Variants in FBXO36 observed in about 807,000 individuals in gnomAD.
The protein encoded by FBXO36 is F-box only protein 36.
Under a neutral mutation model 17.0 loss-of-function variants are expected in FBXO36, and 18 were observed. That is an observed-to-expected ratio of 1.06 (90% confidence interval 0.73 to 1.57). The LOEUF is 1.57. FBXO36 is among the 40% of genes most tolerant of loss of function. FBXO36 has a pLI of 0.00. For synonymous variants in FBXO36, 83 were observed against 85.3 expected, an observed-to-expected ratio of 0.97 and a Z score of 0.15; for missense variants, 229 against 221.9, an observed-to-expected ratio of 1.03 and a Z score of -0.20.
chr2:229,977,207 A>C (rs1284905073), intron 2 of FBXO36: 1 of 152,140 alleles, frequency 6.6e-6, no homozygotes, highest in Non-Finnish European at 1.5e-5. Flanking sequence ...TATGTTGCTC[A>C]GGCTGTTCTT....
At chr2:229,985,382 G>A (rs1055851179) in intron 2 of FBXO36, among the ~76,000 whole-genome samples, 6 of 152,098 alleles carry the variant, frequency 3.9e-5, no homozygotes, top group African/African-American at 1.4e-4. Context: ...TTGCCACCAT[G>A]CCTTGTTCCA....
At chr2:229,933,307 G>A (rs1436615559) in intron 1 of FBXO36, among the ~76,000 whole-genome samples, 2 of 151,910 alleles carry the variant, frequency 1.3e-5, no homozygotes, top group Non-Finnish European at 2.9e-5. Context: ...AGAATCACTC[G>A]AACCCAGGTG....
intron 1 of FBXO36, among the ~76,000 whole-genome samples, chr2:229,947,540 T>G (rs2106168900): frequency 6.6e-6 from 1 of 152,360 alleles, no homozygotes; most frequent in Non-Finnish European, 1.5e-5. Context: ...AGCATCTTAG[T>G]AAGCAGCCTT....
At chr2:230,007,758 G>A (rs1577367583) in intron 3 of FBXO36, among the ~76,000 whole-genome samples, 1 of 152,038 alleles carries the variant, frequency 6.6e-6, no homozygotes, top group Non-Finnish European at 1.5e-5. Context: ...CACCATACCT[G>A]GCTAATTTTT....
chr2:229,995,109 G>C (rs1285337744), intron 2 of FBXO36, among the ~76,000 whole-genome samples: 1 of 151,260 alleles, frequency 6.6e-6, no homozygotes, highest in African/African-American at 2.4e-5. Flanking sequence ...GCAAGACTCT[G>C]TCTCAAAAAA....
At chr2:229,989,727 ATTTTTTTTT>A (rs11313146) in intron 2 of FBXO36, among the ~76,000 whole-genome samples, 1 of 120,880 alleles carries the variant, frequency 8.3e-6, no homozygotes, top group Non-Finnish European at 1.7e-5. Flanking sequence ...CGCCTGGCTA[ATTTTTTTTT>A]TTTTTTTTTT....
intron 1 of FBXO36, chr2:229,973,193 C>T (rs2077189895): frequency 6.7e-6 from 1 of 149,490 alleles, no homozygotes; most frequent in Non-Finnish European, 1.5e-5. Context: ...CCAGTTGACA[C>T]TCCTCTCAAC....
chr2:229,924,033 C>A (rs1034108944), intron 1 of FBXO36, among the ~76,000 whole-genome samples: 2 of 150,646 alleles, frequency 1.3e-5, no homozygotes, highest in Admixed American at 1.3e-4. Flanking sequence ...CGTGAGCCAC[C>A]GCGCCCGGCC....
At chr2:230,005,780 G>A (rs1399165986) in intron 3 of FBXO36, among the ~76,000 whole-genome samples, 1 of 152,140 alleles carries the variant, frequency 6.6e-6, no homozygotes, top group East Asian at 1.9e-4. Context: ...TGATTCTCCT[G>A]CCTCAGCCTC....
At chr2:229,986,878 A>G (rs1243842458) in intron 2 of FBXO36, among the ~76,000 whole-genome samples, 1 of 152,070 alleles carries the variant, frequency 6.6e-6, no homozygotes, top group Admixed American at 6.6e-5. Flanking sequence ...CTTGCTCTTT[A>G]AAAGTTTTCA....
chr2:229,925,096 T>C (rs1434897076), intron 1 of FBXO36, among the ~76,000 whole-genome samples: 1 of 151,722 alleles, frequency 6.6e-6, no homozygotes, highest in Non-Finnish European at 1.5e-5. Flanking sequence ...TCTTTTTCTT[T>C]CTTTATTTTT....
chr2:229,924,563 CT>C (rs2076895153), intron 1 of FBXO36, among the ~76,000 whole-genome samples: 1 of 152,214 alleles, frequency 6.6e-6, no homozygotes, highest in South Asian at 2.1e-4. Flanking sequence ...TTTCTTTCCC[CT>C]GAAGGTCTGG....
At chr2:229,950,537 C>T (rs961056620) in intron 1 of FBXO36, among the ~76,000 whole-genome samples, 8 of 152,146 alleles carry the variant, frequency 5.3e-5, no homozygotes, top group African/African-American at 1.9e-4. Context: ...TGTCTAAGGT[C>T]AGAAATGTCA....
In FBXO36 at chr2:229,922,509, C is replaced by T. The variant is rs753365906; in HGVS notation, c.-5C>T. 3.1e-6 allele frequency: 5 copies of T among 1,613,968 alleles called. No homozygotes were observed. Among genetic ancestry groups the T allele is most frequent in the Non-Finnish European group, 4.2e-6 (5 of 1,179,950 alleles). ...TTGTCTTAGCGACGGCGGTGGCGTC[C>T]CAAGATGGCGTCGTGGCTGCCGGAG... On this transcript the variant is annotated 5_prime_UTR_variant, in exon 1 of 4. Coordinates refer to ENST00000283946, the MANE Select transcript of FBXO36 (RefSeq NM_174899.5).
chr2:229,945,802 C>T (rs2077023858), intron 1 of FBXO36, among the ~76,000 whole-genome samples: 1 of 151,678 alleles, frequency 6.6e-6, no homozygotes, highest in Non-Finnish European at 1.5e-5. Context: ...GCAGGCGGAT[C>T]ATCTGAGTTC....
At chr2:229,937,265 C>T (rs1003560539) in intron 1 of FBXO36, among the ~76,000 whole-genome samples, 29 of 152,138 alleles carry the variant, frequency 1.9e-4, no homozygotes, top group African/African-American at 6.5e-4. Flanking sequence ...GAGGCTGAGG[C>T]GGGCAGATCA....
Position 229,940,310 on chromosome 2 carries a change from A to G in FBXO36, c.96+17701A>G, listed in dbSNP as rs536861623. Among the ~76,000 whole-genome samples the G allele has an allele frequency of 3.3e-5, 5 of 152,224 alleles. No homozygotes were observed. In the East Asian group the frequency reaches 7.7e-4, roughly 23 times the overall value. ...GAGGGTGGTTGGTAACACCAAGACT[A>G]CTTTATTGAAAGCGTAACTAAGAGC... is the stretch of plus-strand genomic sequence containing the variant. On this transcript the variant is annotated intron_variant, in intron 1 of 3. Coordinates refer to ENST00000283946, the MANE Select transcript of FBXO36 (RefSeq NM_174899.5).
At chr2:229,933,233 C>G (rs1369575469) in intron 1 of FBXO36, among the ~76,000 whole-genome samples, 2 of 151,972 alleles carry the variant, frequency 1.3e-5, no homozygotes, top group East Asian at 3.9e-4. Flanking sequence ...ACTAAAAATA[C>G]AAAAATTAGC....
intron 2 of FBXO36, among the ~76,000 whole-genome samples, chr2:229,981,180 C>T (rs560389326): frequency 2.6e-5 from 4 of 152,258 alleles, no homozygotes; most frequent in South Asian, 2.1e-4. Context: ...CATATAGCCA[C>T]GGTGAGCATT....
Sources: gnomAD v4.1 joint callset for allele counts (sites outside exome capture counted in the v4.1 genomes callset) on GRCh38, gnomAD v4.1.1 for gene constraint, MANE v1.5 for transcripts, NCBI Gene and HGNC (gene_info 2026-07-23, HGNC 2026-07-21) for gene names.